Variants in FKBP9 observed in about 807,000 individuals in gnomAD.
FKBP9 encodes peptidyl-prolyl cis-trans isomerase FKBP9.
FKBP9 carries 27 observed loss-of-function variants against 55.6 expected under a neutral mutation model. The ratio of observed to expected loss-of-function variants is 0.49; its 90% confidence interval spans 0.36 to 0.67. FKBP9 has a LOEUF of 0.67. Among genes scored for constraint, FKBP9 ranks in the 30% least tolerant of loss-of-function variants. FKBP9 has a pLI of 0.00. For synonymous variants in FKBP9, 267 were observed against 296.5 expected (o/e 0.90, Z 1.02); for missense variants, 539 against 742.8 (o/e 0.73, Z 3.19).
At chr7:32,959,455 T>G (rs571143664) in intron 1 of FKBP9, among the ~76,000 whole-genome samples, 81 of 152,268 alleles carry the variant, frequency 5.3e-4, no homozygotes, top group Non-Finnish European at 1.0e-4. Context: ...ACAGCTTTAT[T>G]GAGATATAAT....
chr7:32,958,302 G>A (rs1783946041), intron 1 of FKBP9, among the ~76,000 whole-genome samples: 1 of 152,248 alleles, frequency 6.6e-6, no homozygotes, highest in Non-Finnish European at 1.5e-5. Flanking sequence ...GTAGTTCTAA[G>A]TACTTTCCAT....
At chr7:33,002,910 T>C in intron 9 of FKBP9, 71 bp downstream of exon 9, 1 of 1,527,792 alleles carries the variant, frequency 6.5e-7, no homozygotes, top group Non-Finnish European at 8.9e-7. Flanking sequence ...GTGGGGCCGG[T>C]TCTGAAGGTA....
intron 7 of FKBP9, among the ~76,000 whole-genome samples, chr7:32,999,331 C>A (rs1784883088): frequency 6.6e-6 from 1 of 152,172 alleles, no homozygotes; most frequent in African/African-American, 2.4e-5. Flanking sequence ...AACATCAACA[C>A]TGTTTGCCTT....
chr7:32,959,612 A>T (rs185126595), intron 1 of FKBP9, among the ~76,000 whole-genome samples: 154 of 152,062 alleles, frequency 1.0e-3, no homozygotes, highest in African/African-American at 3.5e-3. Flanking sequence ...TCACTCCCCA[A>T]CCCCAGTTAG....
rs1165346605 is a variant in FKBP9, at chr7:32,980,491, T to C, written c.831T>C (p.Ser277=). 6.2e-7 allele frequency: 1 copy of C among 1,613,744 alleles called. No individual in the cohort carries two copies. The highest frequency in any genetic ancestry group is 1.3e-5 in the African/African-American group (1 of 74,884). ...AAAACTGTGAGCGGATAAGTCAAAG[T>C]GGGGACTTTCTCAGGTATCATTACA... is the stretch of plus-strand genomic sequence containing the variant. ...VPENCERISQ[S]GDFLRYHYNG... Residue 277 remains serine (S), a synonymous_variant, in exon 5 of 10, where the codon AGT becomes AGC. Coordinates refer to ENST00000242209, the MANE Select transcript of FKBP9 (RefSeq NM_007270.5).
At chr7:32,974,357 A>C (rs1583848864) in intron 1 of FKBP9, among the ~76,000 whole-genome samples, 1 of 100,390 alleles carries the variant, frequency 1.0e-5, no homozygotes, top group South Asian at 4.4e-4. Flanking sequence ...AATCAGTTTA[A>C]CACATTTTTT....
chr7:32,961,156 G>A (rs534587472), intron 1 of FKBP9, among the ~76,000 whole-genome samples: 1 of 152,164 alleles, frequency 6.6e-6, no homozygotes, highest in African/African-American at 2.4e-5. Context: ...TCTGTGTGTG[G>A]GGGAGGTTAG....
chr7:32,994,115 A>G (rs1195074196), intron 6 of FKBP9, among the ~76,000 whole-genome samples: 1 of 152,216 alleles, frequency 6.6e-6, no homozygotes, highest in African/African-American at 2.4e-5. Context: ...ATCATGTTAA[A>G]GTTTACAATT....
intron 1 of FKBP9, among the ~76,000 whole-genome samples, chr7:32,959,968 G>A (rs1416787101): frequency 6.6e-6 from 1 of 152,098 alleles, no homozygotes; most frequent in Non-Finnish European, 1.5e-5. Context: ...TGGAATTGCT[G>A]CGTCCTATGG....
chr7:32,996,747 CT>C (rs775429776), intron 7 of FKBP9, among the ~76,000 whole-genome samples: 998 of 13,316 alleles, frequency 0.075, 41 homozygotes, highest in African/African-American at 0.15. Context: ...TCCTTTCTTT[CT>C]TTTTTTTTTT....
chr7:32,986,259 A>T (rs1244976075), intron 5 of FKBP9, among the ~76,000 whole-genome samples: 1 of 152,104 alleles, frequency 6.6e-6, no homozygotes, highest in Non-Finnish European at 1.5e-5. Flanking sequence ...CCCCTCTGCC[A>T]TGGAATCTTT....
intron 1 of FKBP9, among the ~76,000 whole-genome samples, chr7:32,967,835 A>G (rs976973072): frequency 2.7e-5 from 4 of 150,786 alleles, no homozygotes; most frequent in African/African-American, 9.8e-5. Context: ...GCTCATCGCA[A>G]CCTCCGCCTC....
intron 5 of FKBP9, among the ~76,000 whole-genome samples, chr7:32,982,984 ATGTGTGTGTG>A (rs71559288): frequency 3.4e-4 from 48 of 142,212 alleles, no homozygotes; most frequent in Middle Eastern, 3.6e-3. Context: ...GTCAAAGGTT[ATGTGTGTGTG>A]TGTGTGTGTG....
Position 32,988,126 on chromosome 7 carries a change from G to T in FKBP9, c.894-381G>T, listed in dbSNP as rs546295869. ...GCCTGGGAGGTTGAGGCTGCAGTGA[G>T]CTGTCTATGATGGTGCCACTGCACA... On this transcript the variant is annotated intron_variant, in intron 5 of 9. Transcript: ENST00000242209. Among the ~76,000 whole-genome samples, 575 of 152,288 alleles carry T rather than the reference G, an allele frequency of 3.8e-3. 2 individuals are homozygous for T. The highest frequency in any genetic ancestry group is 6.6e-3 in the Non-Finnish European group (452 of 68,016).
intron 4 of FKBP9, 48 bp downstream of exon 4, chr7:32,976,547 A>G: frequency 1.3e-6 from 2 of 1,551,256 alleles, no homozygotes; most frequent in Non-Finnish European, 1.7e-6. Context: ...CCTTATTTTT[A>G]TTGCAGTGGT....
intron 6 of FKBP9, among the ~76,000 whole-genome samples, chr7:32,991,195 T>A (rs1214584349): frequency 2.0e-5 from 3 of 152,204 alleles, no homozygotes; most frequent in East Asian, 3.8e-4. Context: ...CTTAAATTAC[T>A]TTTTTTCCTC....
intron 1 of FKBP9, chr7:32,963,678 T>TCCA (rs1347323747): frequency 6.9e-7 from 1 of 1,441,560 alleles, no homozygotes; most frequent in South Asian, 1.4e-5. Flanking sequence ...CAATTCCTTG[T>TCCA]GAGGGTCCAG....
intron 5 of FKBP9, among the ~76,000 whole-genome samples, chr7:32,986,780 G>C (rs559108781): frequency 2.0e-5 from 3 of 152,180 alleles, no homozygotes; most frequent in Admixed American, 2.0e-4. Flanking sequence ...CTTCTTCTCC[G>C]GGGCATCATG....
rs964492421 is a variant in FKBP9 at position 32,957,722 on chromosome 7, CCGTGCGCAGCGGCGACTT to C, written c.157_174del (p.Ser53_Arg58del). On this transcript the variant is annotated inframe_deletion, in exon 1 of 10. Transcript: ENST00000242209. ...TTCGTGCCCGACGAGTGCCCGCGCA[CCGTGCGCAGCGGCGACTT>C]CGTGCGCTACCACTACGTGGGGACG... The C allele has an allele frequency of 6.5e-7, 1 of 1,529,082 alleles. No individual in the cohort carries two copies. The highest frequency in any genetic ancestry group is 1.4e-5 in the African/African-American group (1 of 69,806). 94.7% of individuals were successfully genotyped at this position (1,529,082 alleles called of 1,614,324 possible). A position where few individuals can be genotyped will look rare whatever the true frequency, so the allele number is the denominator to read the frequency against.
Sources: allele counts gnomAD v4.1 joint callset (sites outside exome capture counted in the v4.1 genomes callset), GRCh38; gene constraint gnomAD v4.1.1; transcripts MANE v1.5; gene names NCBI Gene and HGNC (gene_info 2026-07-23, HGNC 2026-07-21).